PCDH15: variants seen among roughly 807,000 people sequenced by gnomAD.
PCDH15 encodes protocadherin-15.
In PCDH15, 129 loss-of-function variants were observed where a neutral mutation model predicts 178.5. The ratio of observed to expected loss-of-function variants is 0.72; its 90% CI spans 0.63 to 0.84. The LOEUF (loss-of-function observed/expected upper bound fraction) is 0.84, where lower values mean the gene tolerates loss of function less well. PCDH15 is among the 40% of genes least tolerant of loss of function. The pLI, the probability that PCDH15 is intolerant of heterozygous loss-of-function variation, is 0.00. For missense variants in PCDH15, 2,230 were observed against 2,099.9 expected, an observed-to-expected ratio of 1.06 and a Z score of -1.21; for synonymous variants, 800 against 732.0, an observed-to-expected ratio of 1.09 and a Z score of -1.50.
chr10:54,622,634 A>T (rs865803194), intron 2 of PCDH15, among the ~76,000 whole-genome samples: 627 of 41,520 alleles, frequency 0.015, 20 homozygotes, highest in African/African-American at 0.056. Context: ...TATAATATAT[A>T]TTATATAATT....
intron 8 of PCDH15, among the ~76,000 whole-genome samples, chr10:54,244,106 C>T (rs2055683632): frequency 6.6e-6 from 1 of 152,146 alleles, no homozygotes; most frequent in Non-Finnish European, 1.5e-5. Context: ...AACAAAAACT[C>T]ACTTAGCTAA....
chr10:55,094,025 AG>A (rs770182625), intron 2 of PCDH15, among the ~76,000 whole-genome samples: 4 of 152,160 alleles, frequency 2.6e-5, no homozygotes, highest in Non-Finnish European at 5.9e-5. Flanking sequence ...CATTTGACCC[AG>A]GGAACCCATT....
At chr10:54,216,914 G>A (rs1215541114) in intron 9 of PCDH15, among the ~76,000 whole-genome samples, 1 of 152,018 alleles carries the variant, frequency 6.6e-6, no homozygotes, top group Non-Finnish European at 1.5e-5. Context: ...AATGATAAAT[G>A]ATAGATATCT....
chr10:53,967,144 C>T (rs1360604452), intron 21 of PCDH15, among the ~76,000 whole-genome samples: 1 of 152,098 alleles, frequency 6.6e-6, no homozygotes, highest in African/African-American at 2.4e-5. Flanking sequence ...TACCCTCATG[C>T]TGTTCTTGGG....
chr10:55,619,777 G>GAA (rs926947311), intron 2 of PCDH15, among the ~76,000 whole-genome samples: 3 of 152,058 alleles, frequency 2.0e-5, no homozygotes, highest in Middle Eastern at 3.4e-3. Flanking sequence ...CTTTCCAGAT[G>GAA]AAAATGTAGT....
intron 3 of PCDH15, among the ~76,000 whole-genome samples, chr10:54,492,192 A>C (rs2079658751): frequency 2.0e-5 from 3 of 152,170 alleles, no homozygotes; most frequent in Admixed American, 6.6e-5. Flanking sequence ...CCTGAATAAA[A>C]GAGGCAAGAC....
intron 2 of PCDH15, among the ~76,000 whole-genome samples, chr10:55,542,280 T>TATATATGGACATATGTACAATATGTCC (rs1841780088): frequency 2.0e-5 from 3 of 151,276 alleles, no homozygotes; most frequent in South Asian, 2.1e-4. Context: ...CTATATTATG[T>TATATATGGACATATGTACAATATGTCC]ATATATGGAC....
chr10:55,343,703 C>G (rs745486591), intron 2 of PCDH15, among the ~76,000 whole-genome samples: 2 of 151,644 alleles, frequency 1.3e-5, no homozygotes, highest in Non-Finnish European at 1.5e-5. Context: ...TTGTATCCAA[C>G]TCTGATCAAT....
At chr10:53,874,040 T>C (rs2080051037) in intron 26 of PCDH15, among the ~76,000 whole-genome samples, 1 of 152,150 alleles carries the variant, frequency 6.6e-6, no homozygotes, top group South Asian at 2.1e-4. Flanking sequence ...AGCTTCCAAG[T>C]CTATGGTATT....
intron 2 of PCDH15, among the ~76,000 whole-genome samples, chr10:55,494,113 T>C (rs933337759): frequency 1.3e-5 from 2 of 151,848 alleles, no homozygotes; most frequent in East Asian, 3.9e-4. Flanking sequence ...TAAAATGTTC[T>C]ACAAATGTCT....
At chr10:55,302,762 A>C (rs1405818706) in intron 1 of PCDH15, among the ~76,000 whole-genome samples, 1 of 152,150 alleles carries the variant, frequency 6.6e-6, no homozygotes, top group African/African-American at 2.4e-5. Context: ...AGTTTATTTA[A>C]ATATAAAATT....
At chr10:55,334,133 T>C (rs1165842496) in intron 2 of PCDH15, among the ~76,000 whole-genome samples, 1 of 149,776 alleles carries the variant, frequency 6.7e-6, no homozygotes, top group East Asian at 1.9e-4. Context: ...TGCACATATG[T>C]AGCAGTTGAA....
Position 55,509,062 on chromosome 10 carries a change from A to T in PCDH15, c.-156+118563T>A, listed in dbSNP as rs371747916. Among the ~76,000 whole-genome samples the T allele has an allele frequency of 6.1e-4, 92 of 151,940 alleles. 1 individual carries two copies. In the South Asian group the frequency reaches 0.018, roughly 29 times the overall value. On this transcript the variant is annotated intron_variant, in intron 2 of 5. Coordinates refer to the PCDH15 transcript ENST00000613346. ...GTGTTAGTAACCTTGATGCAAATAC[A>T]TGACAGACAGTCAGAGAAAGCAATT...
At chr10:54,005,847 A>G (rs2092366813) in intron 20 of PCDH15, among the ~76,000 whole-genome samples, 1 of 152,106 alleles carries the variant, frequency 6.6e-6, no homozygotes, top group Admixed American at 6.6e-5. Flanking sequence ...TGAAAGAAAT[A>G]TCTGCACTCC....
intron 2 of PCDH15, among the ~76,000 whole-genome samples, chr10:55,499,920 T>A (rs1289768758): frequency 1.3e-5 from 2 of 151,702 alleles, no homozygotes; most frequent in African/African-American, 4.8e-5. Context: ...ATCGAAATAA[T>A]TAGGTAATTT....
chr10:53,854,428 A>C (rs2078592551), intron 28 of PCDH15, among the ~76,000 whole-genome samples: 1 of 152,084 alleles, frequency 6.6e-6, no homozygotes, highest in East Asian at 1.9e-4. Context: ...TAATCACAAC[A>C]AAAGGAATGG....
chr10:54,999,785 A>G (rs1269063365), intron 2 of PCDH15, among the ~76,000 whole-genome samples: 1 of 152,204 alleles, frequency 6.6e-6, no homozygotes, highest in Non-Finnish European at 1.5e-5. Flanking sequence ...TAAGTGTCGG[A>G]TGGTCTGAGA....
intron 2 of PCDH15, among the ~76,000 whole-genome samples, chr10:55,081,173 C>A (rs1842031544): frequency 6.6e-6 from 1 of 152,152 alleles, no homozygotes; most frequent in Non-Finnish European, 1.5e-5. Flanking sequence ...CCAAGCTGGC[C>A]ACTTTCTTCC....
chr10:54,696,699 T>A (rs546546379), intron 1 of PCDH15, among the ~76,000 whole-genome samples: 7 of 152,094 alleles, frequency 4.6e-5, no homozygotes, highest in Admixed American at 3.9e-4. Flanking sequence ...AAAACCGCCC[T>A]ATTTTTGTAT....
Sources: allele counts gnomAD v4.1 joint callset (sites outside exome capture counted in the v4.1 genomes callset), GRCh38; gene constraint gnomAD v4.1.1; transcripts MANE v1.5; gene names NCBI Gene and HGNC (gene_info 2026-07-23, HGNC 2026-07-21).